Variants in CYP11A1 observed in about 807,000 individuals in gnomAD.
CYP11A1 encodes cytochrome P450 family 11 subfamily A member 1, also known as cholesterol side-chain cleavage enzyme, mitochondrial.
CYP11A1 carries 25 observed loss-of-function variants against 51.9 expected under a neutral mutation model. That is an observed-to-expected ratio of 0.48 (90% confidence interval 0.35 to 0.67). The LOEUF (loss-of-function observed/expected upper bound fraction) is 0.67, where lower values mean the gene tolerates loss of function less well. Among genes scored for constraint, CYP11A1 ranks in the 30% least tolerant of loss-of-function variants. The pLI, the probability that CYP11A1 is intolerant of heterozygous loss-of-function variation, is 0.00. For synonymous variants in CYP11A1, 245 were observed against 262.1 expected (o/e 0.93, Z 0.63); for missense variants, 578 against 680.9 (o/e 0.85, Z 1.68).
chr15:74,342,941 G>A, intron 5 of CYP11A1, 36 bp downstream of exon 5: 3 of 1,607,796 alleles, frequency 1.9e-6, no homozygotes, highest in Non-Finnish European at 2.5e-6. Flanking sequence ...CGTGGGCACA[G>A]GGGGCAACAA....
intron 5 of CYP11A1, among the ~76,000 whole-genome samples, chr15:74,342,325 G>T (rs911015197): frequency 6.6e-6 from 1 of 152,094 alleles, no homozygotes; most frequent in Admixed American, 6.5e-5. Context: ...CTCATGATCC[G>T]CCCACCTCTG....
chr15:74,343,661 C>A, intron 4 of CYP11A1, 128 bp downstream of exon 4: 1 of 849,156 alleles, frequency 1.2e-6, no homozygotes, highest in Non-Finnish European at 2.0e-6. Flanking sequence ...TTCCTGACAC[C>A]CACGCCTGCC....
chr15:74,353,863 C>T (rs982278663), intron 1 of CYP11A1, among the ~76,000 whole-genome samples: 1 of 152,172 alleles, frequency 6.6e-6, no homozygotes. Flanking sequence ...AGTCATCATT[C>T]ATTCCATTTT....
chr15:74,349,394 T>TTC (rs368155952), intron 1 of CYP11A1, among the ~76,000 whole-genome samples: 2 of 151,946 alleles, frequency 1.3e-5, no homozygotes, highest in South Asian at 2.1e-4. Flanking sequence ...TGTGTGCATG[T>TTC]TCTCTCTCTC....
At chr15:74,347,131 G>A (rs2060636359) in intron 2 of CYP11A1, among the ~76,000 whole-genome samples, 1 of 152,030 alleles carries the variant, frequency 6.6e-6, no homozygotes, top group Non-Finnish European at 1.5e-5. Flanking sequence ...TTGATGGGGT[G>A]GGTATGGTGG....
chr15:74,366,309 TTTCGC>T, intron 1 of CYP11A1: 1 of 933,662 alleles, frequency 1.1e-6, no homozygotes, highest in Non-Finnish European at 1.3e-6. Context: ...TGAGACAGAG[TTTCGC>T]TTTTGTTGCC....
intron 1 of CYP11A1, among the ~76,000 whole-genome samples, chr15:74,351,612 C>A (rs1021064704): frequency 2.0e-5 from 3 of 152,232 alleles, no homozygotes; most frequent in African/African-American, 7.2e-5. Flanking sequence ...CAGGAGGATG[C>A]TCTGTGGGTC....
chr15:74,338,051 G>A lies in CYP11A1; in HGVS notation c.1487C>T (p.Thr496Ile). Residue 496 changes from threonine (T) to isoleucine (I), a missense_variant, in exon 9 of 9, where the codon ACA (threonine) becomes ATA (isoleucine). Coordinates refer to ENST00000268053, the MANE Select transcript of CYP11A1 (RefSeq NM_000781.3). ...EIQHLSDVGT[T>I]FNLILMPEKP... Reference sequence around the variant, plus strand: ...TTCAGGCATCAGAATGAGGTTGAATGTGGTGCCCACATCGCTGAGGTGTTG... The same window carrying A: ...TTCAGGCATCAGAATGAGGTTGAATATGGTGCCCACATCGCTGAGGTGTTG... 6.2e-7 allele frequency: 1 copy of A among 1,614,188 alleles called. No individual in the cohort carries two copies. The highest frequency in any genetic ancestry group is 8.5e-7 in the Non-Finnish European group (1 of 1,180,012).
At chr15:74,355,410 T>C (rs1026748135) in intron 1 of CYP11A1, among the ~76,000 whole-genome samples, 2 of 151,916 alleles carry the variant, frequency 1.3e-5, no homozygotes, top group African/African-American at 4.8e-5. Context: ...GCATTCTTTG[T>C]TCCCTCCCTA....
At chr15:74,364,543 T>G (rs1267569057) in intron 1 of CYP11A1, 1 of 152,198 alleles carries the variant, frequency 6.6e-6, no homozygotes, top group Non-Finnish European at 1.5e-5. Flanking sequence ...AACGGGACCT[T>G]TGAGCCCCTA....
At chr15:74,353,966 C>T (rs2060666484) in intron 1 of CYP11A1, among the ~76,000 whole-genome samples, 1 of 152,136 alleles carries the variant, frequency 6.6e-6, no homozygotes, top group Non-Finnish European at 1.5e-5. Flanking sequence ...GGATTTTAGG[C>T]TTCCTGATAC....
At chr15:74,344,107 A>T (rs1596159991) in intron 3 of CYP11A1, 115 bp from the exon 4 acceptor site, 2 of 810,312 alleles carry the variant, frequency 2.5e-6, no homozygotes, top group East Asian at 5.1e-5. Flanking sequence ...TCTTGCCCCT[A>T]CCCTCAGCCT....
chr15:74,366,531 G>A (rs41548820), intron 1 of CYP11A1, among the ~76,000 whole-genome samples: 9,193 of 150,836 alleles, frequency 0.061, 400 homozygotes, highest in East Asian at 0.18. Flanking sequence ...TGTTGGCCGG[G>A]TTGATCTCGA....
In CYP11A1 at chr15:74,339,615, G is replaced by C. The variant is rs1227083341; in HGVS notation, c.1129C>G (p.Leu377Val). 3 of 1,614,194 alleles carry C rather than the reference G, an allele frequency of 1.9e-6. No homozygotes were observed. Among genetic ancestry groups the C allele is most frequent in the Non-Finnish European group, 1.7e-6 (2 of 1,180,024 alleles). Reference protein sequence around the residue: ...MATMLQLVPLLKASIKETLRL... With the variant: ...MATMLQLVPLVKASIKETLRL... ...AGTGTCTCCTTGATGCTGGCTTTGA[G>C]GAGGGGGACCAGCTGTAGCATCGTG... Residue 377 changes from leucine to valine, a missense_variant, in exon 6 of 9, where the codon CTC becomes GTC. By Grantham distance (32) the Leu-to-Val change is conservative. Coordinates refer to ENST00000268053, the MANE Select transcript of CYP11A1 (RefSeq NM_000781.3).
At chr15:74,364,496 A>G (rs1231599891) in intron 1 of CYP11A1, 1 of 152,246 alleles carries the variant, frequency 6.6e-6, no homozygotes, top group Admixed American at 6.5e-5. Context: ...GAAGTAACCA[A>G]TGGAATCCTC....
intron 1 of CYP11A1, chr15:74,366,081 G>A (rs1382033809): frequency 1.0e-5 from 10 of 985,444 alleles, no homozygotes; most frequent in Non-Finnish European, 9.6e-6. Flanking sequence ...CTGTGTCGAG[G>A]GGAGGCGGAG....
At chr15:74,365,197 C>T (rs1313989750) in intron 1 of CYP11A1, among the ~76,000 whole-genome samples, 5 of 150,736 alleles carry the variant, frequency 3.3e-5, no homozygotes, top group African/African-American at 4.9e-5. Flanking sequence ...TCCCTCTCAA[C>T]CGGACTCTTA....
At chr15:74,354,218 T>A (rs997821573) in intron 1 of CYP11A1, among the ~76,000 whole-genome samples, 2 of 152,144 alleles carry the variant, frequency 1.3e-5, no homozygotes, top group African/African-American at 2.4e-5. Flanking sequence ...TGGCCTGAAA[T>A]AACTGAAGAA....
At chr15:74,342,424 G>A (rs369427753) in intron 5 of CYP11A1, among the ~76,000 whole-genome samples, 1 of 152,192 alleles carries the variant, frequency 6.6e-6, no homozygotes. Flanking sequence ...AGTTTCTAGG[G>A]TGCCATGCTG....
Sources: allele counts gnomAD v4.1 joint callset (sites outside exome capture counted in the v4.1 genomes callset), GRCh38; gene constraint gnomAD v4.1.1; transcripts MANE v1.5; gene names NCBI Gene and HGNC (gene_info 2026-07-23, HGNC 2026-07-21).